Variants in KDM5A observed in about 807,000 individuals in gnomAD.
The protein encoded by KDM5A is lysine-specific demethylase 5A.
A neutral mutation model predicts 193.5 loss-of-function variants in KDM5A; 42 were observed. The observed-to-expected ratio is 0.22, with a 90% CI of 0.17 to 0.28. The LOEUF (loss-of-function observed/expected upper bound fraction) is 0.28, where lower values mean the gene tolerates loss of function less well. Ranked by LOEUF, KDM5A falls within the 10% of genes least tolerant of loss-of-function variation. KDM5A has a pLI of 1.00. For missense variants in KDM5A, 1,692 were observed against 2,055.1 expected (o/e 0.82, Z 3.42); for synonymous variants, 796 against 718.1 (o/e 1.11, Z -1.73).
At chr12:329,781 T>C (rs1261046440) in intron 13 of KDM5A, among the ~76,000 whole-genome samples, 1 of 152,054 alleles carries the variant, frequency 6.6e-6, no homozygotes, top group Non-Finnish European at 1.5e-5. Flanking sequence ...ACAAACCAAA[T>C]TACAACAATA....
At chr12:308,197 A>T (rs1943537314) in intron 22 of KDM5A, among the ~76,000 whole-genome samples, 192 bp from the exon 23 acceptor site, 1 of 152,178 alleles carries the variant, frequency 6.6e-6, no homozygotes, top group Non-Finnish European at 1.5e-5. Flanking sequence ...ATATTTGATC[A>T]TGTACATCAG....
At chr12:294,359 G>T (rs1275601458) in intron 26 of KDM5A, among the ~76,000 whole-genome samples, 2 of 152,128 alleles carry the variant, frequency 1.3e-5, no homozygotes, top group Admixed American at 6.5e-5. Flanking sequence ...ATTCCCTTGA[G>T]AACTCATTTT....
At position 384,015 on chromosome 12, in the gene KDM5A, C is replaced by T. The variant is rs1944609846; in HGVS notation, c.366+16G>A. 1.9e-6 allele frequency: 3 copies of T among 1,612,872 alleles called. No individual in the cohort carries two copies. Among genetic ancestry groups the T allele is most frequent in the African/African-American group, 1.3e-5 (1 of 74,920 alleles). ...ACAAGCCTGTGCTCTAATTTCTAAA[C>T]CAGTATGAGCCTCACCTTGCTCAAA... On this transcript the variant is annotated intron_variant, in intron 3 of 27. Transcript: ENST00000399788.
At chr12:343,223 G>C (rs1203487920) in intron 10 of KDM5A, among the ~76,000 whole-genome samples, 2 of 152,238 alleles carry the variant, frequency 1.3e-5, no homozygotes, top group African/African-American at 4.8e-5. Context: ...GGCTGGGGGA[G>C]GGGCGTCCAC....
At chr12:333,297 T>C in intron 12 of KDM5A, 190 bp downstream of exon 12, 2 of 638,994 alleles carry the variant, frequency 3.1e-6, no homozygotes, top group Non-Finnish European at 5.6e-6. Context: ...TGTGCTCCTA[T>C]AGTCCCAGCT....
At chr12:323,006 A>G in intron 16 of KDM5A, 76 bp downstream of exon 16, 1 of 1,596,394 alleles carries the variant, frequency 6.3e-7, no homozygotes, top group Non-Finnish European at 8.6e-7. Context: ...GGAAGGAAAA[A>G]ACATAAAACT....
chr12:299,430 T>G (rs1258037400), intron 24 of KDM5A, among the ~76,000 whole-genome samples: 1 of 152,202 alleles, frequency 6.6e-6, no homozygotes, highest in Non-Finnish European at 1.5e-5. Context: ...ACTCAGAATT[T>G]CATATCCAGC....
At position 295,782 on chromosome 12, in the gene KDM5A, G is replaced by A; in HGVS notation, c.4246C>T (p.Pro1416Ser). 1 of 1,613,872 alleles carries A rather than the reference G, an allele frequency of 6.2e-7. No homozygotes were observed. Among genetic ancestry groups the A allele is most frequent in the Non-Finnish European group, 8.5e-7 (1 of 1,179,924 alleles). ...SKSCSQGSST[P>S]RKQPRKSPLV... Reference sequence around the variant, plus strand: ...GGGCTCTTCCGAGGTTGTTTCCTTGGGGTGCTAGAACCTTTCCCAAAAAAT... The same window carrying A: ...GGGCTCTTCCGAGGTTGTTTCCTTGAGGTGCTAGAACCTTTCCCAAAAAAT... Residue 1416 changes from proline to serine, a missense_variant, in exon 26 of 28, where the codon CCA becomes TCA. Coordinates refer to ENST00000399788, the MANE Select transcript of KDM5A (RefSeq NM_001042603.3).
In KDM5A at chr12:350,699, T is replaced by C; in HGVS notation, c.1230A>G (p.Gly410=). 3 of 1,613,984 alleles carry C rather than the reference T, an allele frequency of 1.9e-6. No homozygotes were observed. The East Asian group carries it at 6.7e-5, about 36-fold the overall frequency. ...SIEEDVIVEY[G]ADISSKDFGS... is the part of the protein sequence containing the mutation. ...CAAAGTCTTTTGAGGAGATATCTGCTCCATATTCCACAATAACATCTTCTT... is the reference window on the plus strand; with the variant it reads ...CAAAGTCTTTTGAGGAGATATCTGCCCCATATTCCACAATAACATCTTCTT... Residue 410 remains glycine (G), a synonymous_variant, in exon 10 of 28, where the codon GGA becomes GGG. Transcript: ENST00000399788.
Position 383,474 on chromosome 12 carries a change from C to T in KDM5A, c.366+557G>A, listed in dbSNP as rs570650738. Among the ~76,000 whole-genome samples, 15 of 152,152 alleles carry T rather than the reference C, an allele frequency of 9.9e-5. No individual in the cohort carries two copies. The South Asian group carries it at 2.7e-3, about 27-fold the overall frequency. On this transcript the variant is annotated intron_variant, in intron 3 of 27. Transcript: ENST00000399788. ...TCAAGTGATCCTCCCACCTCAACCT[C>T]CTAAAGTGCTGGGATTACAGGCATG...
intron 13 of KDM5A, among the ~76,000 whole-genome samples, chr12:331,055 C>T (rs545570140): frequency 6.6e-6 from 1 of 151,064 alleles, no homozygotes; most frequent in South Asian, 2.1e-4. Flanking sequence ...GCAGAGATCT[C>T]AATATTATAC....
chr12:326,092 G>A (rs1465557722), intron 14 of KDM5A, among the ~76,000 whole-genome samples: 3 of 152,158 alleles, frequency 2.0e-5, no homozygotes, highest in Non-Finnish European at 2.9e-5. Context: ...CTAAGATGAG[G>A]CAATTAGGAA....
intron 3 of KDM5A, among the ~76,000 whole-genome samples, chr12:376,188 C>T (rs1280695556): frequency 6.6e-6 from 1 of 152,218 alleles, no homozygotes; most frequent in Non-Finnish European, 1.5e-5. Context: ...GTGGAGTCTA[C>T]AGAGGAAGGC....
chr12:352,697 G>A (rs1591927388), intron 8 of KDM5A, among the ~76,000 whole-genome samples: 3 of 152,296 alleles, frequency 2.0e-5, no homozygotes, highest in Middle Eastern at 3.4e-3. Context: ...CATGGAGGAA[G>A]GAAAGGTAAT....
At chr12:304,382 G>A (rs530524503) in intron 24 of KDM5A, among the ~76,000 whole-genome samples, 16 of 150,734 alleles carry the variant, frequency 1.1e-4, no homozygotes, top group East Asian at 3.9e-4. Flanking sequence ...CAAATAAACC[G>A]GCAAATAAAA....
intron 1 of KDM5A, chr12:387,349 T>A (rs1944649546): frequency 4.1e-6 from 1 of 243,138 alleles, no homozygotes; most frequent in African/African-American, 2.4e-5. Context: ...TATTTCAGCA[T>A]TTTTTTAAGT....
At chr12:373,754 T>C (rs987544325) in intron 3 of KDM5A, among the ~76,000 whole-genome samples, 1 of 152,252 alleles carries the variant, frequency 6.6e-6, no homozygotes, top group Non-Finnish European at 1.5e-5. Context: ...GCTTTGAATG[T>C]GTCCCAGACA....
rs1183362271 is a variant in KDM5A at position 280,643 on chromosome 12, T to C, written c.*4813A>G. ...GTGCCATTTGCTTCTCTGAAGTAAC[T>C]TGGGGTCTGAATTGGTTGTGAGCTT... On this transcript the variant is annotated 3_prime_UTR_variant, in exon 28 of 28. Coordinates refer to ENST00000399788, the MANE Select transcript of KDM5A (RefSeq NM_001042603.3). The C allele has an allele frequency of 4.3e-6, 1 of 233,156 alleles. No homozygotes were observed. Among genetic ancestry groups the C allele is most frequent in the Admixed American group, 5.6e-5 (1 of 17,792 alleles). The allele number at this position is 233,156 out of a possible 1,614,324, so 14.4% of individuals were successfully genotyped here.
At chr12:296,124 G>A (rs1943368844) in intron 25 of KDM5A, among the ~76,000 whole-genome samples, 2 of 152,024 alleles carry the variant, frequency 1.3e-5, no homozygotes, top group South Asian at 4.1e-4. Context: ...TTCGAAACCA[G>A]CCTGACCAAC....
Sources: allele counts gnomAD v4.1 joint callset (sites outside exome capture counted in the v4.1 genomes callset), GRCh38; gene constraint gnomAD v4.1.1; transcripts MANE v1.5; gene names NCBI Gene and HGNC (gene_info 2026-07-23, HGNC 2026-07-21).